The following CCDC149 variants were observed in gnomAD, a reference collection of about 807,000 sequenced individuals.
The protein encoded by CCDC149 is coiled-coil domain-containing protein 149.
Under a neutral mutation model 59.9 loss-of-function variants are expected in CCDC149, and 45 were observed. The observed-to-expected ratio is 0.75, with a 90% CI of 0.59 to 0.96. The LOEUF is 0.96. Ranked by LOEUF, CCDC149 falls within the 40% of genes least tolerant of loss-of-function variation. The probability of loss-of-function intolerance (pLI) is 0.00; values close to 1 mark genes in which losing one functional copy is unlikely to be tolerated. For missense variants in CCDC149, 584 were observed against 664.7 expected, an observed-to-expected ratio of 0.88 and a Z score of 1.33; for synonymous variants, 245 against 260.6, an observed-to-expected ratio of 0.94 and a Z score of 0.58.
downstream of CCDC149, among the ~76,000 whole-genome samples, chr4:24,804,697 T>C (rs956630969): frequency 6.6e-6 from 1 of 152,110 alleles, no homozygotes; most frequent in African/African-American, 2.4e-5. Context: ...GAACTTTTCA[T>C]GCCATATCGT....
chr4:24,903,750 C>T (rs181043056), intron 1 of CCDC149, among the ~76,000 whole-genome samples: 1 of 152,036 alleles, frequency 6.6e-6, no homozygotes, highest in East Asian at 1.9e-4. Context: ...CTCACTGTAC[C>T]TTCAGGCTCT....
intron 1 of CCDC149, among the ~76,000 whole-genome samples, chr4:24,899,394 T>C (rs1426322469): frequency 3.9e-5 from 6 of 152,124 alleles, no homozygotes; most frequent in Non-Finnish European, 7.3e-5. Flanking sequence ...GTAAGGTGTT[T>C]AGTTCCTGGG....
intron 1 of CCDC149, among the ~76,000 whole-genome samples, chr4:24,952,889 T>C (rs1352449403): frequency 6.6e-6 from 1 of 151,868 alleles, no homozygotes; most frequent in Non-Finnish European, 1.5e-5. Context: ...TTCTATAAAT[T>C]TGGCTACTTC....
chr4:24,924,676 A>G (rs1722387148), intron 1 of CCDC149, among the ~76,000 whole-genome samples: 1 of 152,192 alleles, frequency 6.6e-6, no homozygotes, highest in African/African-American at 2.4e-5. Flanking sequence ...GGCGCCATGG[A>G]GTTGCAAGAA....
At position 24,816,348 on chromosome 4, in the gene CCDC149, T is replaced by A. The variant is rs1715014637; in HGVS notation, c.1192+3511A>T. 2.0e-5 allele frequency among the ~76,000 whole-genome samples: 3 copies of A among 152,142 alleles called. No individual in the cohort carries two copies. In the South Asian group the frequency reaches 6.2e-4, roughly 32 times the overall value. ...CTCAAGCGATCCTCTCACCTCAGCC[T>A]CCCAAAGTGCTGGGATTACAAGTAT... On this transcript the variant is annotated intron_variant, in intron 12 of 12. Transcript: ENST00000635206.
chr4:24,979,026 G>T (rs548829889), intron 1 of CCDC149, among the ~76,000 whole-genome samples: 2 of 152,308 alleles, frequency 1.3e-5, no homozygotes, highest in South Asian at 2.1e-4. Flanking sequence ...CACAGGAATT[G>T]CAGGGAACAC....
At chr4:24,878,739 C>T (rs536204251) in intron 1 of CCDC149, among the ~76,000 whole-genome samples, 28 of 152,328 alleles carry the variant, frequency 1.8e-4, no homozygotes, top group African/African-American at 6.5e-4. Context: ...AATCCTCATG[C>T]ATGAAGACAT....
chr4:24,968,250 G>C (rs1387477628), intron 1 of CCDC149, among the ~76,000 whole-genome samples: 4 of 152,338 alleles, frequency 2.6e-5, no homozygotes, highest in South Asian at 2.1e-4. Context: ...CTATGGAAGG[G>C]AGCTGAGCTC....
intron 12 of CCDC149, among the ~76,000 whole-genome samples, chr4:24,817,063 C>A (rs1236444927): frequency 1.3e-5 from 2 of 152,198 alleles, no homozygotes; most frequent in Non-Finnish European, 2.9e-5. Flanking sequence ...GGGGTAGGAA[C>A]AATGAGAGCT....
rs369457230 is a variant in CCDC149 at position 24,864,363 on chromosome 4, T to C, written c.264+9318A>G. Among the ~76,000 whole-genome samples the C allele has an allele frequency of 3.3e-5, 5 of 152,188 alleles. No homozygotes were observed. In the East Asian group the frequency reaches 5.8e-4, roughly 18 times the overall value. On this transcript the variant is annotated intron_variant, in intron 3 of 12. Coordinates refer to ENST00000635206, the MANE Select transcript of CCDC149 (RefSeq NM_001330643.2). ...TATTGTAGAAACTAAGATTGGCCTT[T>C]TGAGATGTCTTTCTAGGTTTTCACA...
rs573857988 is a variant in CCDC149, at chr4:24,940,479, A to T, written c.-65+39590T>A. ...AAGACCATCAAGGCTAGGAAGAAACAGCATCAACTAACGAGCAAAATAACC... is the reference window on the plus strand; with the variant it reads ...AAGACCATCAAGGCTAGGAAGAAACTGCATCAACTAACGAGCAAAATAACC... On this transcript the variant is annotated intron_variant, in intron 1 of 12. Transcript: ENST00000389609. 4.4e-3 allele frequency among the ~76,000 whole-genome samples: 657 copies of T among 149,904 alleles called. 2 individuals carry two copies. Among genetic ancestry groups the T allele is most frequent in the Non-Finnish European group, 7.1e-3 (484 of 67,726 alleles).
chr4:24,833,497 G>C (rs1281146468), intron 8 of CCDC149, among the ~76,000 whole-genome samples: 1 of 152,064 alleles, frequency 6.6e-6, no homozygotes, highest in Non-Finnish European at 1.5e-5. Flanking sequence ...GGTAGCACAC[G>C]CCTGTAGTCC....
At chr4:24,841,445 TAAC>T (rs956612254) in intron 4 of CCDC149, among the ~76,000 whole-genome samples, 3 of 152,246 alleles carry the variant, frequency 2.0e-5, no homozygotes, top group African/African-American at 7.2e-5. Context: ...ATAAATATGT[TAAC>T]AATCATTTGG....
chr4:24,952,599 A>T (rs1257421383), intron 1 of CCDC149, among the ~76,000 whole-genome samples: 1 of 42,962 alleles, frequency 2.3e-5, no homozygotes, highest in African/African-American at 1.1e-4. Context: ...CCATCTCAAA[A>T]AAAAAAAAAA....
rs1394318997 is a variant in CCDC149, at chr4:24,905,569, G to A, written c.63+7248C>T. Among the ~76,000 whole-genome samples the A allele has an allele frequency of 8.8e-5, 13 of 148,072 alleles. No individual in the cohort carries two copies. The East Asian group carries it at 2.6e-3, about 30-fold the overall frequency. ...TCCTGCCTCAGCCTCCTGGGTAGCT[G>A]GGACTACAAGCGCGTGCCACCACGC... is the stretch of plus-strand genomic sequence containing the variant. On this transcript the variant is annotated intron_variant, in intron 1 of 12. Coordinates refer to ENST00000635206, the MANE Select transcript of CCDC149 (RefSeq NM_001330643.2).
intron 1 of CCDC149, among the ~76,000 whole-genome samples, chr4:24,960,513 G>A (rs1189471747): frequency 6.6e-6 from 1 of 152,098 alleles, no homozygotes; most frequent in Non-Finnish European, 1.5e-5. Flanking sequence ...GCCTACAAAA[G>A]AAGTACATTT....
intron 4 of CCDC149, among the ~76,000 whole-genome samples, chr4:24,849,992 A>T (rs1032248980): frequency 6.6e-6 from 1 of 152,168 alleles, no homozygotes; most frequent in Non-Finnish European, 1.5e-5. Context: ...TCTCAAATAC[A>T]TGTATCTGGG....
chr4:24,826,579 C>T (rs993750246), intron 9 of CCDC149, among the ~76,000 whole-genome samples: 10 of 152,158 alleles, frequency 6.6e-5, no homozygotes, highest in Middle Eastern at 3.4e-3. Context: ...CCAGAGGATG[C>T]GAAGTCAGAA....
At chr4:24,811,333 T>C (rs1303613178) in intron 12 of CCDC149, among the ~76,000 whole-genome samples, 1 of 152,122 alleles carries the variant, frequency 6.6e-6, no homozygotes, top group South Asian at 2.1e-4. Flanking sequence ...ATTCATATCT[T>C]CGATCCTTCA....
Sources: gnomAD v4.1 joint callset for allele counts (sites outside exome capture counted in the v4.1 genomes callset) on GRCh38, gnomAD v4.1.1 for gene constraint, MANE v1.5 for transcripts, NCBI Gene and HGNC (gene_info 2026-07-23, HGNC 2026-07-21) for gene names.